Variants in LIPK observed in about 807,000 individuals in gnomAD.
The protein encoded by LIPK is lipase family member K.
Under a neutral mutation model 48.6 loss-of-function variants are expected in LIPK, and 32 were observed. The ratio of observed to expected loss-of-function variants is 0.66; its 90% CI spans 0.50 to 0.88. LIPK has a LOEUF of 0.88. Among genes scored for constraint, LIPK ranks in the 40% least tolerant of loss-of-function variants. The pLI is 0.00. For missense variants in LIPK, 507 were observed against 478.5 expected, an observed-to-expected ratio of 1.06 and a Z score of -0.56; for synonymous variants, 164 against 157.4, an observed-to-expected ratio of 1.04 and a Z score of -0.32.
chr10:88,742,631 T>C (rs1222021727), intron 8 of LIPK, among the ~76,000 whole-genome samples: 2 of 152,230 alleles, frequency 1.3e-5, no homozygotes, highest in Non-Finnish European at 2.9e-5. Context: ...TCATGCACAG[T>C]GTCTCAGTCA....
intron 1 of LIPK, among the ~76,000 whole-genome samples, chr10:88,711,429 A>G (rs1164265081): frequency 1.3e-5 from 2 of 152,144 alleles, no homozygotes; most frequent in African/African-American, 4.8e-5. Flanking sequence ...AGTACAATAC[A>G]ATAAACTATA....
Position 88,752,541 on chromosome 10 carries a change from A to G in LIPK, c.985A>G (p.Thr329Ala), listed in dbSNP as rs185426897. ...HQLTPPLYNITKMEVPTAIWN... is the reference protein window; with the variant it reads ...HQLTPPLYNIAKMEVPTAIWN... ...GCTTACACCTCCTTTATACAACATT[A>G]CTAAGATGGAAGTTCCAACAGCAAT... The change falls in exon 10 of 10, where the codon ACT (threonine) becomes GCT (alanine). Residue 329 changes from threonine (T) to alanine (A), a missense_variant. Coordinates refer to ENST00000404190, the MANE Select transcript of LIPK (RefSeq NM_001080518.2). The G allele has an allele frequency of 9.6e-6, 15 of 1,556,220 alleles. No individual in the cohort carries two copies. In the Admixed American group the frequency reaches 2.7e-4, roughly 28 times the overall value.
intron 1 of LIPK, among the ~76,000 whole-genome samples, chr10:88,722,527 T>A (rs1842247251): frequency 6.6e-6 from 1 of 152,214 alleles, no homozygotes; most frequent in Non-Finnish European, 1.5e-5. Context: ...CTCAATAGAT[T>A]CTCCTTCAGC....
intron 8 of LIPK, among the ~76,000 whole-genome samples, chr10:88,742,452 A>T (rs766669510): frequency 6.6e-6 from 1 of 152,258 alleles, no homozygotes; most frequent in Non-Finnish European, 1.5e-5. Context: ...AAGAAAGAAA[A>T]ACACAGAATA....
chr10:88,718,871 A>C (rs1267842400), intron 1 of LIPK, among the ~76,000 whole-genome samples: 8 of 152,198 alleles, frequency 5.3e-5, no homozygotes, highest in African/African-American at 1.2e-4. Context: ...AGAATTAATA[A>C]GTAAACAGAA....
At chr10:88,730,382 C>T (rs1485975723) in intron 3 of LIPK, among the ~76,000 whole-genome samples, 3 of 151,746 alleles carry the variant, frequency 2.0e-5, no homozygotes, top group African/African-American at 7.3e-5. Context: ...CTCCGCCTCC[C>T]GGGTTCACGC....
chr10:88,728,631 G>A (rs963238129), intron 3 of LIPK: 5 of 489,096 alleles, frequency 1.0e-5, no homozygotes, highest in Non-Finnish European at 2.0e-5. Context: ...CATCGAGAGC[G>A]CCACCTACAG....
intron 2 of LIPK, among the ~76,000 whole-genome samples, chr10:88,724,938 T>A (rs1769691): frequency 0.78 from 117,986 of 151,892 alleles, 46,808 homozygotes; most frequent in East Asian, 1. Context: ...TACCTTTGAG[T>A]TTTCCCCGAG....
chr10:88,726,687 C>G (rs941969851), intron 2 of LIPK, 108 bp from the exon 3 acceptor site: 1 of 666,816 alleles, frequency 1.5e-6, no homozygotes, highest in African/African-American at 1.8e-5. Context: ...CAGTGAGACC[C>G]GTCTCAAACA....
At chr10:88,707,993 T>C (rs1841965983) in intron 1 of LIPK, among the ~76,000 whole-genome samples, 1 of 152,136 alleles carries the variant, frequency 6.6e-6, no homozygotes, top group South Asian at 2.1e-4. Context: ...CAGTGGGTTT[T>C]TAGATTTAAA....
chr10:88,713,849 G>A (rs1179261258), intron 1 of LIPK, among the ~76,000 whole-genome samples: 1 of 151,220 alleles, frequency 6.6e-6, no homozygotes, highest in Non-Finnish European at 1.5e-5. Context: ...GCAGAGGCAG[G>A]AGAATCACTT....
At position 88,737,772 on chromosome 10, in the gene LIPK, C is replaced by T. The variant is rs1842604233; in HGVS notation, c.807C>T (p.Asn269=). The change falls in exon 7 of 10, where the codon AAC becomes AAT. Residue 269 remains asparagine (N), a synonymous_variant. Coordinates refer to ENST00000404190, the MANE Select transcript of LIPK (RefSeq NM_001080518.2). ...LFTLSGFDPQ[N]LNMSRLDVYL... ...CTCTGAGTGGATTTGATCCGCAAAACTTAAATATGGTAGGTGTAAGTAATT... is the reference window on the plus strand; with the variant it reads ...CTCTGAGTGGATTTGATCCGCAAAATTTAAATATGGTAGGTGTAAGTAATT... 2.5e-6 allele frequency: 4 copies of T among 1,613,592 alleles called. No homozygotes were observed. The East Asian group carries it at 6.7e-5, about 27-fold the overall frequency.
chr10:88,737,424 A>G (rs1378808381), intron 6 of LIPK, among the ~76,000 whole-genome samples: 2 of 152,190 alleles, frequency 1.3e-5, no homozygotes, highest in African/African-American at 2.4e-5. Context: ...GGGGCATTCT[A>G]AAAACCACCC....
intron 1 of LIPK, among the ~76,000 whole-genome samples, chr10:88,709,787 T>C (rs1841995486): frequency 6.6e-6 from 1 of 152,172 alleles, no homozygotes; most frequent in Non-Finnish European, 1.5e-5. Context: ...CAGCCATTTA[T>C]ACAGCCTAGA....
intron 9 of LIPK, 147 bp downstream of exon 9, chr10:88,743,468 A>G (rs1842716674): frequency 1.8e-6 from 1 of 567,888 alleles, no homozygotes; most frequent in Non-Finnish European, 3.2e-6. Context: ...GGTTCTTGCC[A>G]TATGCCATAT....
chr10:88,737,578 C>G, intron 6 of LIPK, 57 bp from the exon 7 acceptor site: 1 of 1,576,460 alleles, frequency 6.3e-7, no homozygotes, highest in Non-Finnish European at 8.7e-7. Flanking sequence ...CTATCTCTTT[C>G]TCCACTTTTG....
At chr10:88,738,849 A>G (rs1842625547) in intron 7 of LIPK, among the ~76,000 whole-genome samples, 1 of 152,206 alleles carries the variant, frequency 6.6e-6, no homozygotes, top group Non-Finnish European at 1.5e-5. Flanking sequence ...CAGCACCTTC[A>G]AGGACATTTG....
At chr10:88,737,359 C>T (rs1842592860) in intron 6 of LIPK, among the ~76,000 whole-genome samples, 2 of 152,122 alleles carry the variant, frequency 1.3e-5, no homozygotes, top group Admixed American at 1.3e-4. Flanking sequence ...GAATGAAACA[C>T]ATGTATGCCT....
chr10:88,717,815 A>C (rs893755306), intron 1 of LIPK, among the ~76,000 whole-genome samples: 1 of 152,120 alleles, frequency 6.6e-6, no homozygotes, highest in East Asian at 1.9e-4. Flanking sequence ...AATTGCTCAA[A>C]CATAGCTTAT....
Sources: allele counts gnomAD v4.1 joint callset (sites outside exome capture counted in the v4.1 genomes callset), GRCh38; gene constraint gnomAD v4.1.1; transcripts MANE v1.5; gene names NCBI Gene and HGNC (gene_info 2026-07-23, HGNC 2026-07-21).